The following ARHGAP22 variants were observed in gnomAD, a reference collection of about 807,000 sequenced individuals.
ARHGAP22 encodes rho GTPase-activating protein 22.
Under a neutral mutation model 59.1 loss-of-function variants are expected in ARHGAP22, and 48 were observed. The observed-to-expected ratio is 0.81, with a 90% CI of 0.64 to 1.03. The LOEUF is 1.03. Ranked by LOEUF, ARHGAP22 falls within the 50% of genes least tolerant of loss-of-function variation. The pLI, the probability that ARHGAP22 is intolerant of heterozygous loss-of-function variation, is 0.00. For synonymous variants in ARHGAP22, 445 were observed against 416.4 expected, an observed-to-expected ratio of 1.07 and a Z score of -0.84; for missense variants, 1,015 against 958.7, an observed-to-expected ratio of 1.06 and a Z score of -0.78.
In ARHGAP22 at chr10:48,547,234, G is replaced by A. The variant is rs552194495; in HGVS notation, c.322+8229C>T. ...TTGCCTAGGCAACATCTGCATCCGC[G>A]TGTGGTGTGTCTGGCGACAATCAAC... On this transcript the variant is annotated intron_variant, in intron 3 of 9. Coordinates refer to ENST00000249601, the MANE Select transcript of ARHGAP22 (RefSeq NM_021226.4). 5.3e-3 allele frequency among the ~76,000 whole-genome samples: 804 copies of A among 152,334 alleles called. 5 individuals are homozygous for A. The highest frequency in any genetic ancestry group is 0.013 in the South Asian group (62 of 4,834).
intron 2 of ARHGAP22, among the ~76,000 whole-genome samples, chr10:48,569,900 A>G (rs3853764): frequency 0.39 from 58,760 of 152,058 alleles, 12,786 homozygotes; most frequent in East Asian, 0.89. Context: ...CTAGGACAGT[A>G]GCAGAATTTT....
chr10:48,620,285 G>T (rs56181350), intron 1 of ARHGAP22, among the ~76,000 whole-genome samples: 151,569 of 151,874 alleles, frequency 1, 75,632 homozygotes, highest in Middle Eastern at 1. Context: ...TTTTAAAGTT[G>T]GACAGTTTCT....
intron 3 of ARHGAP22, among the ~76,000 whole-genome samples, chr10:48,481,053 T>A (rs1018210974): frequency 4.6e-5 from 7 of 152,216 alleles, no homozygotes; most frequent in African/African-American, 1.7e-4. Flanking sequence ...CAGGGCTCTG[T>A]GATAACCTCT....
chr10:48,608,705 C>T (rs965033078), upstream of ARHGAP22, among the ~76,000 whole-genome samples: 10 of 152,216 alleles, frequency 6.6e-5, no homozygotes, highest in African/African-American at 2.4e-4. Flanking sequence ...TTGGTTTCTC[C>T]TTCTGTCTAT....
intron 2 of ARHGAP22, among the ~76,000 whole-genome samples, chr10:48,565,619 A>G (rs1266447212): frequency 1.3e-5 from 2 of 152,178 alleles, no homozygotes; most frequent in Non-Finnish European, 2.9e-5. Context: ...TTACTGTGAC[A>G]TTGCCGCTTA....
chr10:48,609,949 C>G (rs1287363564), upstream of ARHGAP22, among the ~76,000 whole-genome samples: 1 of 152,226 alleles, frequency 6.6e-6, no homozygotes, highest in Non-Finnish European at 1.5e-5. Flanking sequence ...TTTTGCTCCA[C>G]TTTGGTGGCC....
At position 48,451,155 on chromosome 10, in the gene ARHGAP22, G is replaced by A. The variant is rs747527217; in HGVS notation, c.989-15C>T. The stretch of plus-strand genomic sequence containing the variant: ...GAGGGAAGTGCCTGCCGGGAAGAGA[G>A]GCGGAGAAGGGCCTTGCTGCCAGCC... On this transcript the variant is annotated splice_polypyrimidine_tract_variant and intron_variant, in intron 8 of 9. Transcript: ENST00000249601. 5.6e-5 allele frequency: 87 copies of A among 1,550,698 alleles called. 2 individuals carry two copies. In the South Asian group the frequency reaches 7.8e-4, roughly 14 times the overall value.
intron 8 of ARHGAP22, 99 bp from the exon 9 acceptor site, chr10:48,451,239 C>T: frequency 1.3e-6 from 2 of 1,490,290 alleles, no homozygotes; most frequent in African/African-American, 1.4e-5. Flanking sequence ...GGGAGCTGGC[C>T]CTGTCCCCAG....
At chr10:48,470,499 G>A (rs1321138071) in intron 4 of ARHGAP22, among the ~76,000 whole-genome samples, 2 of 152,196 alleles carry the variant, frequency 1.3e-5, no homozygotes, top group African/African-American at 2.4e-5. Flanking sequence ...AGCCTTGAGC[G>A]CTGCAGGGGA....
intron 3 of ARHGAP22, among the ~76,000 whole-genome samples, chr10:48,545,965 A>T (rs2056399878): frequency 6.6e-6 from 1 of 152,196 alleles, no homozygotes; most frequent in Non-Finnish European, 1.5e-5. Flanking sequence ...TGAGATTCAG[A>T]GAAGGGAAGA....
intron 3 of ARHGAP22, among the ~76,000 whole-genome samples, chr10:48,518,376 G>A (rs1372089673): frequency 3.3e-5 from 5 of 152,186 alleles, no homozygotes; most frequent in African/African-American, 1.2e-4. Flanking sequence ...CTTAGTGAGG[G>A]AACAGATTGT....
the ARHGAP22 span, among the ~76,000 whole-genome samples, chr10:48,440,982 A>C: frequency 6.6e-6 from 1 of 152,216 alleles, no homozygotes; most frequent in African/African-American, 2.4e-5. Flanking sequence ...GCAGCACACA[A>C]GAGATGGTGC....
At chr10:48,493,690 G>A (rs1249081616) in intron 3 of ARHGAP22, 2 of 1,381,306 alleles carry the variant, frequency 1.4e-6, no homozygotes, top group Non-Finnish European at 1.9e-6. Flanking sequence ...GTGCCCGAAG[G>A]CTGGGACTGT....
chr10:48,465,176 T>C (rs909451688), intron 4 of ARHGAP22, among the ~76,000 whole-genome samples: 1 of 152,236 alleles, frequency 6.6e-6, no homozygotes, highest in Non-Finnish European at 1.5e-5. Context: ...GTCAGCTCCC[T>C]GGAAACCCAG....
chr10:48,488,969 A>G (rs1416307384), intron 3 of ARHGAP22, among the ~76,000 whole-genome samples: 1 of 152,012 alleles, frequency 6.6e-6, no homozygotes, highest in East Asian at 1.9e-4. Flanking sequence ...TACAGCCTGC[A>G]AACTTTCTCC....
intron 9 of ARHGAP22, among the ~76,000 whole-genome samples, chr10:48,449,536 A>T (rs562057383): frequency 1.1e-4 from 16 of 152,352 alleles, no homozygotes; most frequent in African/African-American, 3.6e-4. Context: ...ATTCCCTGCT[A>T]GTGGGTGGGA....
chr10:48,499,708 G>A lies in ARHGAP22; in HGVS notation c.323-19944C>T, dbSNP rs560884465. Among the ~76,000 whole-genome samples, 3 of 152,202 alleles carry A rather than the reference G, an allele frequency of 2.0e-5. No individual in the cohort carries two copies. The South Asian group carries it at 6.2e-4, about 32-fold the overall frequency. ...TTTTTCAGGGTACTTGTTTATATGT[G>A]TGGAAGTTCTAAGTCAATGAACTGA... On this transcript the variant is annotated intron_variant, in intron 3 of 9. Coordinates refer to ENST00000249601, the MANE Select transcript of ARHGAP22 (RefSeq NM_021226.4).
At chr10:48,507,190 C>T (rs1374782663) in intron 3 of ARHGAP22, among the ~76,000 whole-genome samples, 1 of 152,204 alleles carries the variant, frequency 6.6e-6, no homozygotes, top group Non-Finnish European at 1.5e-5. Context: ...ATCACAGTAA[C>T]ACCTGGTTTA....
intron 3 of ARHGAP22, among the ~76,000 whole-genome samples, chr10:48,519,773 G>T (rs1198326141): frequency 6.6e-6 from 1 of 152,230 alleles, no homozygotes; most frequent in Non-Finnish European, 1.5e-5. Flanking sequence ...GTGGTGTGGT[G>T]CGGAAACCAG....
Sources: gnomAD v4.1 joint callset for allele counts (sites outside exome capture counted in the v4.1 genomes callset) on GRCh38, gnomAD v4.1.1 for gene constraint, MANE v1.5 for transcripts, NCBI Gene and HGNC (gene_info 2026-07-23, HGNC 2026-07-21) for gene names.